Variants in FLI1 observed in about 807,000 individuals in gnomAD.
FLI1 encodes the protein Friend leukemia integration 1 transcription factor.
In FLI1, 13 loss-of-function variants were observed where a neutral mutation model predicts 53.1. The ratio of observed to expected loss-of-function variants is 0.24; its 90% confidence interval spans 0.16 to 0.39. The LOEUF is 0.39. Ranked by LOEUF, FLI1 falls within the 10% of genes least tolerant of loss-of-function variation. The pLI is 1.00. For synonymous variants in FLI1, 244 were observed against 236.7 expected, an observed-to-expected ratio of 1.03 and a Z score of -0.28; for missense variants, 424 against 600.5, an observed-to-expected ratio of 0.71 and a Z score of 3.07.
chr11:128,795,283 G>A (rs534787281), intron 5 of FLI1, among the ~76,000 whole-genome samples: 40 of 152,128 alleles, frequency 2.6e-4, no homozygotes, highest in African/African-American at 8.2e-4. Context: ...GTCTCCTCTC[G>A]GAGCCTCACC....
chr11:128,752,142 A>G (rs1023760359), intron 1 of FLI1, among the ~76,000 whole-genome samples: 4 of 151,650 alleles, frequency 2.6e-5, no homozygotes, highest in Admixed American at 1.3e-4. Flanking sequence ...CACCTGGCTG[A>G]GTTTTGTATT....
intron 1 of FLI1, among the ~76,000 whole-genome samples, chr11:128,721,106 TGAGA>T: frequency 6.6e-6 from 1 of 152,324 alleles, no homozygotes; most frequent in East Asian, 1.9e-4. Flanking sequence ...GGCAAGTTCG[TGAGA>T]GAGAATTAAT....
At chr11:128,784,255 TCC>T (rs1942015786) in intron 5 of FLI1, among the ~76,000 whole-genome samples, 1 of 89,886 alleles carries the variant, frequency 1.1e-5, no homozygotes, top group Non-Finnish European at 2.2e-5. Flanking sequence ...CTCCTCCTCC[TCC>T]TCCTCCTCCT....
At chr11:128,780,456 A>G (rs1254196427) in intron 4 of FLI1, among the ~76,000 whole-genome samples, 1 of 152,212 alleles carries the variant, frequency 6.6e-6, no homozygotes, top group Non-Finnish European at 1.5e-5. Flanking sequence ...TTAGCCGAGC[A>G]TGGTGGCACA....
chr11:128,790,253 A>G (rs1297623337), intron 5 of FLI1, among the ~76,000 whole-genome samples: 1 of 141,304 alleles, frequency 7.1e-6, no homozygotes, highest in African/African-American at 2.6e-5. Flanking sequence ...GGAGAGTTGC[A>G]TTTTTTTTTT....
chr11:128,769,672 A>C (rs765110065), intron 3 of FLI1, among the ~76,000 whole-genome samples: 10 of 152,176 alleles, frequency 6.6e-5, no homozygotes, highest in Non-Finnish European at 1.0e-4. Flanking sequence ...AATGACTCCT[A>C]AAGCAATTCT....
intron 5 of FLI1, among the ~76,000 whole-genome samples, chr11:128,798,267 C>T (rs1942503849): frequency 1.3e-5 from 2 of 152,136 alleles, no homozygotes. Flanking sequence ...AATTGCTATT[C>T]CACATGAGGC....
intron 5 of FLI1, among the ~76,000 whole-genome samples, chr11:128,792,534 T>A (rs1379918802): frequency 6.6e-6 from 1 of 152,248 alleles, no homozygotes; most frequent in Non-Finnish European, 1.5e-5. Flanking sequence ...AGTCAAATTC[T>A]TTCTTTCTAT....
At chr11:128,724,418 T>C (rs1318167791) in intron 1 of FLI1, among the ~76,000 whole-genome samples, 1 of 152,152 alleles carries the variant, frequency 6.6e-6, no homozygotes, top group East Asian at 1.9e-4. Flanking sequence ...AGAAAGCCTA[T>C]TGTGCCAGGC....
chr11:128,756,940 T>C (rs1940887534), intron 1 of FLI1, among the ~76,000 whole-genome samples: 1 of 152,178 alleles, frequency 6.6e-6, no homozygotes, highest in African/African-American at 2.4e-5. Flanking sequence ...CTGAATGCAA[T>C]GGCACGATCA....
intron 2 of FLI1, among the ~76,000 whole-genome samples, chr11:128,760,831 G>A (rs1025585616): frequency 2.0e-5 from 3 of 151,986 alleles, no homozygotes; most frequent in Admixed American, 1.3e-4. Flanking sequence ...CAGCTTTGTT[G>A]GAGATTCTCT....
chr11:128,747,525 C>T (rs559677596), intron 1 of FLI1, among the ~76,000 whole-genome samples: 7 of 152,292 alleles, frequency 4.6e-5, no homozygotes, highest in East Asian at 1.9e-4. Flanking sequence ...CCTACCCATC[C>T]GGCTAGGTGG....
At chr11:128,743,889 C>A (rs12280830) in intron 1 of FLI1, among the ~76,000 whole-genome samples, 2,009 of 152,278 alleles carry the variant, frequency 0.013, 50 homozygotes, top group African/African-American at 0.046. Flanking sequence ...TAGATGGATG[C>A]CGGGAGACAG....
chr11:128,685,220 G>A (rs1327903441), upstream of FLI1, among the ~76,000 whole-genome samples: 6 of 152,202 alleles, frequency 3.9e-5, no homozygotes, highest in African/African-American at 1.4e-4. Flanking sequence ...CCTAGAGAGA[G>A]GCAAACTTTG....
chr11:128,784,268 C>CCTCCTCCTCCTGCTGCTGCTG (rs1331908622), intron 5 of FLI1, among the ~76,000 whole-genome samples: 2 of 130,228 alleles, frequency 1.5e-5, no homozygotes, highest in Non-Finnish European at 3.3e-5. Flanking sequence ...TCCTCCTCCT[C>CCTCCTCCTCCTGCTGCTGCTG]CTGCTGTCTT....
chr11:128,697,788 T>C (rs1399605894), intron 1 of FLI1, among the ~76,000 whole-genome samples: 1 of 152,224 alleles, frequency 6.6e-6, no homozygotes, highest in Non-Finnish European at 1.5e-5. Context: ...ATGCATCTAT[T>C]ATGTTGCAAG....
chr11:128,768,817 G>C (rs1941449600), intron 3 of FLI1, among the ~76,000 whole-genome samples: 2 of 151,676 alleles, frequency 1.3e-5, no homozygotes, highest in African/African-American at 4.8e-5. Context: ...CCACATCACA[G>C]ACTCTACATC....
At chr11:128,721,676 G>C (rs940989912) in intron 1 of FLI1, among the ~76,000 whole-genome samples, 1 of 152,178 alleles carries the variant, frequency 6.6e-6, no homozygotes, top group Non-Finnish European at 1.5e-5. Flanking sequence ...CAAACCTTTG[G>C]GGGCTGGGAT....
At chr11:128,725,929 T>G (rs1939456514) in intron 1 of FLI1, among the ~76,000 whole-genome samples, 1 of 151,922 alleles carries the variant, frequency 6.6e-6, no homozygotes, top group African/African-American at 2.4e-5. Context: ...ATGGGGACAG[T>G]AGGGGACAAG....
Sources: gnomAD v4.1 joint callset for allele counts (sites outside exome capture counted in the v4.1 genomes callset) on GRCh38, gnomAD v4.1.1 for gene constraint, MANE v1.5 for transcripts, NCBI Gene and HGNC (gene_info 2026-07-23, HGNC 2026-07-21) for gene names.